Variants in USP12 observed in about 807,000 individuals in gnomAD.
The protein encoded by USP12 is ubiquitin carboxyl-terminal hydrolase 12.
In USP12, 19 loss-of-function variants were observed where a neutral mutation model predicts 45.5. The observed-to-expected ratio is 0.42, with a 90% CI of 0.29 to 0.61. The LOEUF is 0.61. Among genes scored for constraint, USP12 ranks in the 20% least tolerant of loss-of-function variants. The pLI is 0.22. For synonymous variants in USP12, 149 were observed against 148.8 expected (o/e 1.00, Z -0.01); for missense variants, 242 against 447.7 (o/e 0.54, Z 4.15).
At chr13:27,125,888 G>A (rs1369909624) in intron 1 of USP12, among the ~76,000 whole-genome samples, 1 of 152,230 alleles carries the variant, frequency 6.6e-6, no homozygotes, top group Non-Finnish European at 1.5e-5. Flanking sequence ...TGGGACGCTG[G>A]AGCTTGGCAG....
At chr13:27,103,824 CG>C (rs1357592209) in intron 3 of USP12, among the ~76,000 whole-genome samples, 2 of 149,074 alleles carry the variant, frequency 1.3e-5, no homozygotes, top group African/African-American at 2.5e-5. Flanking sequence ...GAAAAAATAA[CG>C]AACACTGTAA....
At chr13:27,108,236 A>G (rs1418272800) in intron 2 of USP12, among the ~76,000 whole-genome samples, 3 of 152,126 alleles carry the variant, frequency 2.0e-5, no homozygotes. Flanking sequence ...CTTTGTAGGG[A>G]CATGGATGAA....
At chr13:27,169,460 A>G (rs1878487653) in intron 1 of USP12, among the ~76,000 whole-genome samples, 1 of 152,190 alleles carries the variant, frequency 6.6e-6, no homozygotes, top group Non-Finnish European at 1.5e-5. Context: ...TAAGACTGCA[A>G]ATTACTTTGA....
intron 1 of USP12, among the ~76,000 whole-genome samples, chr13:27,153,612 T>C (rs1364021270): frequency 1.3e-5 from 2 of 152,160 alleles, no homozygotes; most frequent in South Asian, 2.1e-4. Context: ...ATGTTCAACC[T>C]TTCCCCTTCC....
chr13:27,171,234 G>T (rs1238392617), intron 1 of USP12, among the ~76,000 whole-genome samples: 13 of 149,936 alleles, frequency 8.7e-5, no homozygotes, highest in Admixed American at 5.3e-4. Flanking sequence ...GGCACAGGCC[G>T]GGCGCGCCTC....
chr13:27,088,359 G>A (rs1874160947), intron 6 of USP12, among the ~76,000 whole-genome samples: 1 of 147,484 alleles, frequency 6.8e-6, no homozygotes, highest in South Asian at 2.1e-4. Context: ...GGAGCTTGCA[G>A]TGAGCCGAGA....
rs1451546968 is a variant in USP12 at position 27,071,062 on chromosome 13, A to T, written c.1011+9T>A. 1 of 1,593,446 alleles carries T rather than the reference A, an allele frequency of 6.3e-7. No individual in the cohort carries two copies. The highest frequency in any genetic ancestry group is 2.2e-5 in the East Asian group (1 of 44,662). On this transcript the variant is annotated intron_variant, in intron 8 of 8. Coordinates refer to ENST00000282344, the MANE Select transcript of USP12 (RefSeq NM_182488.4). ...ACTTTCAAAAATAAGAAATTAAGAA[A>T]CTACTTACTTCTACAATGTCGTCAT... is the stretch of plus-strand genomic sequence containing the variant.
intron 6 of USP12, among the ~76,000 whole-genome samples, chr13:27,086,183 A>T (rs1197485593): frequency 0.016 from 637 of 39,280 alleles, 12 homozygotes; most frequent in Non-Finnish European, 0.027. Context: ...TTAAAAAAAA[A>T]AAAAAAAAAA....
intron 1 of USP12, among the ~76,000 whole-genome samples, chr13:27,160,431 A>G (rs908692544): frequency 1.4e-5 from 2 of 144,890 alleles, no homozygotes; most frequent in Non-Finnish European, 3.0e-5. Context: ...CCTCAAATTG[A>G]AAAAAAAAAT....
At chr13:27,071,397 T>G (rs1873240865) in intron 7 of USP12, among the ~76,000 whole-genome samples, 1 of 152,186 alleles carries the variant, frequency 6.6e-6, no homozygotes, top group Non-Finnish European at 1.5e-5. Flanking sequence ...CATACAGCTA[T>G]ATTACTGAAA....
chr13:27,099,267 T>A (rs537390801), intron 3 of USP12, among the ~76,000 whole-genome samples: 1 of 152,172 alleles, frequency 6.6e-6, no homozygotes, highest in Non-Finnish European at 1.5e-5. Context: ...AATGTATGCA[T>A]GTATTATTTG....
intron 8 of USP12, among the ~76,000 whole-genome samples, chr13:27,070,449 AAAATTCATC>A (rs553517365): frequency 1.1e-3 from 163 of 152,298 alleles, no homozygotes; most frequent in Admixed American, 5.2e-3. Context: ...CACATGTATA[AAAATTCATC>A]AAATTCAGAT....
chr13:27,104,023 G>A (rs1464113487), intron 3 of USP12, among the ~76,000 whole-genome samples: 2 of 152,070 alleles, frequency 1.3e-5, no homozygotes, highest in Non-Finnish European at 2.9e-5. Flanking sequence ...CTCTGTATGA[G>A]CTGCATACTT....
intron 2 of USP12, among the ~76,000 whole-genome samples, chr13:27,114,531 T>C (rs905700603): frequency 1.3e-5 from 2 of 152,196 alleles, no homozygotes; most frequent in Non-Finnish European, 2.9e-5. Flanking sequence ...AATAGCATTG[T>C]ATCTACAGGA....
At chr13:27,087,279 G>A (rs1874103596) in intron 6 of USP12, among the ~76,000 whole-genome samples, 1 of 127,830 alleles carries the variant, frequency 7.8e-6, no homozygotes, top group African/African-American at 2.8e-5. Flanking sequence ...GTGTGTGTGT[G>A]TGTGCGCGCA....
intron 6 of USP12, among the ~76,000 whole-genome samples, chr13:27,084,497 GAAAA>G (rs397851869): frequency 7.1e-5 from 7 of 98,468 alleles, no homozygotes; most frequent in South Asian, 3.3e-4. Flanking sequence ...ACAGTGAGAT[GAAAA>G]AAAAAAAAAA....
chr13:27,161,393 C>A (rs1004808084), intron 1 of USP12, among the ~76,000 whole-genome samples: 10 of 152,162 alleles, frequency 6.6e-5, no homozygotes, highest in Non-Finnish European at 1.0e-4. Flanking sequence ...TGTCTCCTTA[C>A]CCCTACAACT....
chr13:27,070,039 T>C (rs1358219490), intron 8 of USP12, among the ~76,000 whole-genome samples: 2 of 152,220 alleles, frequency 1.3e-5, no homozygotes, highest in African/African-American at 4.8e-5. Context: ...AGATGACCAA[T>C]GCATTTTAAT....
intron 1 of USP12, among the ~76,000 whole-genome samples, chr13:27,155,926 T>G (rs1445351607): frequency 6.6e-6 from 1 of 152,192 alleles, no homozygotes. Context: ...TAGCTTCAAA[T>G]ATAACATAGA....
Sources: allele counts gnomAD v4.1 joint callset (sites outside exome capture counted in the v4.1 genomes callset), GRCh38; gene constraint gnomAD v4.1.1; transcripts MANE v1.5; gene names NCBI Gene and HGNC (gene_info 2026-07-23, HGNC 2026-07-21).